LATS2: variants seen among roughly 807,000 people sequenced by gnomAD.
LATS2 encodes the protein large tumor suppressor kinase 2.
LATS2 carries 24 observed loss-of-function variants against 76.0 expected under a neutral mutation model. The observed-to-expected ratio is 0.32, with a 90% CI of 0.23 to 0.44. LATS2 has a LOEUF of 0.44. LATS2 is among the 20% of genes least tolerant of loss of function. The pLI is 1.00. For synonymous variants in LATS2, 692 were observed against 635.4 expected (o/e 1.09, Z -1.34); for missense variants, 1,286 against 1,481.2 (o/e 0.87, Z 2.16).
Position 21,047,014 on chromosome 13 carries a change from G to A in LATS2, c.-204-784C>T, listed in dbSNP as rs183399548. On this transcript the variant is annotated intron_variant, in intron 1 of 7. Coordinates refer to ENST00000382592, the MANE Select transcript of LATS2 (RefSeq NM_014572.3). ...GGCCACATGAACATCAAATGATCAT[G>A]TGGGTAAGAGTTATTACTACAGAAC... is the stretch of plus-strand genomic sequence containing the variant. Among the ~76,000 whole-genome samples, 122 of 152,260 alleles carry A rather than the reference G, an allele frequency of 8.0e-4. 1 individual carries two copies. In the Middle Eastern group the frequency reaches 0.017, roughly 21 times the overall value.
At position 21,025,669 on chromosome 13, in the gene LATS2, G is replaced by C. The variant is rs560509392; in HGVS notation, c.342+20016C>G. Among the ~76,000 whole-genome samples, 3 of 152,314 alleles carry C rather than the reference G, an allele frequency of 2.0e-5. No homozygotes were observed. The South Asian group carries it at 6.2e-4, about 32-fold the overall frequency. On this transcript the variant is annotated intron_variant, in intron 2 of 7. Transcript: ENST00000382592. ...GCACTCATTGACCCAGACAGGTTCA[G>C]ATCTTGCCTGACACTGCTCACAACA... is the stretch of plus-strand genomic sequence containing the variant.
At chr13:21,003,463 C>T (rs1871136014) in intron 2 of LATS2, among the ~76,000 whole-genome samples, 1 of 149,272 alleles carries the variant, frequency 6.7e-6, no homozygotes, top group Admixed American at 6.7e-5. Context: ...TTTTTAAAGA[C>T]AGAGTCTTGC....
rs370596856 is a variant in LATS2 at position 21,032,981 on chromosome 13, G to T, written c.342+12704C>A. On this transcript the variant is annotated intron_variant, in intron 2 of 7. Transcript: ENST00000382592. ...GGCTGGGCCGGTACAAGAAATAAGT[G>T]GAGATCAGATTGGAAGAGGATGGTG... 1.8e-3 allele frequency among the ~76,000 whole-genome samples: 272 copies of T among 152,270 alleles called. 1 individual carries two copies. Among genetic ancestry groups the T allele is most frequent in the African/African-American group, 5.8e-3 (241 of 41,544 alleles).
chr13:21,020,597 A>C (rs1194474523), intron 2 of LATS2, among the ~76,000 whole-genome samples: 3 of 152,238 alleles, frequency 2.0e-5, no homozygotes, highest in African/African-American at 4.8e-5. Context: ...TGTCCTGCTT[A>C]AAACACAGGA....
chr13:21,053,502 C>T (rs1387514505), intron 1 of LATS2, among the ~76,000 whole-genome samples: 1 of 152,136 alleles, frequency 6.6e-6, no homozygotes, highest in African/African-American at 2.4e-5. Context: ...CACAGGCCCA[C>T]GCAACATCTG....
At chr13:20,996,863 A>G (rs540770958) in intron 2 of LATS2, among the ~76,000 whole-genome samples, 1 of 152,340 alleles carries the variant, frequency 6.6e-6, no homozygotes, top group African/African-American at 2.4e-5. Flanking sequence ...CCTCTGGGCT[A>G]TTCTTGCAGA....
At position 20,988,934 on chromosome 13, in the gene LATS2, C is replaced by A. The variant is rs1209738100; in HGVS notation, c.846G>T (p.Glu282Asp). 6.6e-7 allele frequency: 1 copy of A among 1,525,902 alleles called. No individual in the cohort carries two copies. The highest frequency in any genetic ancestry group is 8.8e-7 in the Non-Finnish European group (1 of 1,140,284). 94.5% of individuals were successfully genotyped at this position (1,525,902 alleles called of 1,614,324 possible). ...TGGGCAGGCTGGCGTAACCCCCGGTCTCCGGCGGCGTCTTGCTCTGGAAGG... is the reference window on the plus strand; with the variant it reads ...TGGGCAGGCTGGCGTAACCCCCGGTATCCGGCGGCGTCTTGCTCTGGAAGG... ...SPSFQSKTPP[E>D]TGGYASLPTK... Residue 282 changes from glutamate (E) to aspartate (D), a missense_variant, in exon 4 of 8, where the codon GAG becomes GAT. By Grantham distance (45) the Glu-to-Asp change is conservative (BLOSUM62 2). This residue lies in a region of LATS2 where 710 missense variants were observed against 660.9 expected (regional missense o/e 1.07). Coordinates refer to ENST00000382592, the MANE Select transcript of LATS2 (RefSeq NM_014572.3).
At chr13:20,980,645 G>T (rs593390) in intron 6 of LATS2, among the ~76,000 whole-genome samples, 1 of 152,024 alleles carries the variant, frequency 6.6e-6, no homozygotes, top group African/African-American at 2.4e-5. Context: ...GTGGTAGAGG[G>T]AAGTAGACCT....
At chr13:20,979,304 C>T (rs980897315) in intron 7 of LATS2, among the ~76,000 whole-genome samples, 1 of 152,080 alleles carries the variant, frequency 6.6e-6, no homozygotes, top group African/African-American at 2.4e-5. Flanking sequence ...CCCCAAACCC[C>T]TCATTGCTGA....
chr13:21,037,707 A>G (rs1872727826), intron 2 of LATS2, among the ~76,000 whole-genome samples: 1 of 152,172 alleles, frequency 6.6e-6, no homozygotes, highest in Non-Finnish European at 1.5e-5. Flanking sequence ...GCTTTTCTGA[A>G]TCACAGACCC....
At chr13:21,034,601 C>T (rs879462881) in intron 2 of LATS2, among the ~76,000 whole-genome samples, 6 of 152,128 alleles carry the variant, frequency 3.9e-5, no homozygotes, top group Non-Finnish European at 5.9e-5. Flanking sequence ...TGTGGACTGC[C>T]GTGCCACCAC....
chr13:20,980,246 C>T (rs897991001), intron 6 of LATS2, among the ~76,000 whole-genome samples: 18 of 152,092 alleles, frequency 1.2e-4, no homozygotes, highest in Non-Finnish European at 2.4e-4. Flanking sequence ...AGGAGGTGGG[C>T]AAAACCCACC....
chr13:20,992,984 C>T (rs971143910), intron 2 of LATS2, among the ~76,000 whole-genome samples: 6 of 141,828 alleles, frequency 4.2e-5, no homozygotes, highest in African/African-American at 1.1e-4. Flanking sequence ...TGCAGTGAGC[C>T]GAGATCACGC....
At chr13:21,048,634 C>A (rs906689570) in intron 1 of LATS2, among the ~76,000 whole-genome samples, 3 of 152,034 alleles carry the variant, frequency 2.0e-5, no homozygotes, top group Non-Finnish European at 4.4e-5. Context: ...GAGTTCGAGA[C>A]CAGCCTGGCT....
At chr13:21,007,961 G>T (rs1331263425) in intron 2 of LATS2, among the ~76,000 whole-genome samples, 2 of 150,634 alleles carry the variant, frequency 1.3e-5, no homozygotes, top group African/African-American at 4.9e-5. Flanking sequence ...GGTTTGCCAT[G>T]TTGTCCAGGC....
At chr13:21,012,892 T>C (rs1365670564) in intron 2 of LATS2, among the ~76,000 whole-genome samples, 1 of 151,940 alleles carries the variant, frequency 6.6e-6, no homozygotes, top group Non-Finnish European at 1.5e-5. Context: ...AAAGATAACA[T>C]GGATGAAAGA....
chr13:20,983,817 G>A lies in LATS2; in HGVS notation c.1900-11C>T. On this transcript the variant is annotated splice_polypyrimidine_tract_variant and intron_variant, in intron 4 of 7. Coordinates refer to ENST00000382592, the MANE Select transcript of LATS2 (RefSeq NM_014572.3). ...TTCACAGAGTCCAGCCTGTGTAGAA[G>A]GAAAAGGAAGGAGGAAGAATCACAT... 2 of 1,591,166 alleles carry A rather than the reference G, an allele frequency of 1.3e-6. No individual in the cohort carries two copies. Among genetic ancestry groups the A allele is most frequent in the South Asian group, 1.1e-5 (1 of 89,818 alleles).
intron 2 of LATS2, among the ~76,000 whole-genome samples, chr13:21,002,607 A>G (rs778586179): frequency 1.2e-4 from 19 of 152,052 alleles, no homozygotes; most frequent in Non-Finnish European, 2.5e-4. Context: ...GGAACTCCTG[A>G]GCTCAAGCAA....
At chr13:21,008,104 C>T (rs1871431664) in intron 2 of LATS2, among the ~76,000 whole-genome samples, 1 of 152,042 alleles carries the variant, frequency 6.6e-6, no homozygotes, top group South Asian at 2.1e-4. Context: ...CCGTGGGGAG[C>T]CAGGTATGAG....
Sources: gnomAD v4.1 joint callset for allele counts (sites outside exome capture counted in the v4.1 genomes callset) on GRCh38, gnomAD v4.1.1 for gene constraint, gnomAD v4.1.1 regional missense constraint, MANE v1.5 for transcripts, NCBI Gene and HGNC (gene_info 2026-07-23, HGNC 2026-07-21) for gene names.